Variants in SLC27A6 observed in about 807,000 individuals in gnomAD.
The protein encoded by SLC27A6 is solute carrier family 27 member 6.
In SLC27A6, 74 loss-of-function variants were observed where a neutral mutation model predicts 63.9. That is an observed-to-expected ratio of 1.16 (90% confidence interval 0.96 to 1.40). The LOEUF (loss-of-function observed/expected upper bound fraction) is 1.40, where lower values mean the gene tolerates loss of function less well. Ranked by LOEUF, SLC27A6 falls within the 40% of genes most tolerant of loss-of-function variation. SLC27A6 has a pLI of 0.00. For synonymous variants in SLC27A6, 287 were observed against 260.8 expected, an observed-to-expected ratio of 1.10 and a Z score of -0.97; for missense variants, 794 against 732.9, an observed-to-expected ratio of 1.08 and a Z score of -0.96.
At chr5:128,972,168 C>A (rs1003528100) in intron 1 of SLC27A6, among the ~76,000 whole-genome samples, 3 of 152,122 alleles carry the variant, frequency 2.0e-5, no homozygotes, top group East Asian at 1.9e-4. Context: ...GTGGGTAACC[C>A]GACCTTTCTC....
rs569269279 is a variant in SLC27A6, at chr5:129,012,227, G to A, written c.970-3658G>A. 4.1e-4 allele frequency among the ~76,000 whole-genome samples: 62 copies of A among 151,238 alleles called. 1 individual carries two copies. Among genetic ancestry groups the A allele is most frequent in the Non-Finnish European group, 8.1e-4 (55 of 67,752 alleles). The stretch of plus-strand genomic sequence containing the variant: ...TTTTTTTTTCTTTTACCCATGGGTT[G>A]TTTAAAGGTGTATTATTATTATGCA... On this transcript the variant is annotated intron_variant, in intron 4 of 9. Transcript: ENST00000262462.
intron 4 of SLC27A6, among the ~76,000 whole-genome samples, chr5:129,008,310 G>C (rs1265258190): frequency 6.6e-6 from 1 of 152,146 alleles, no homozygotes; most frequent in Non-Finnish European, 1.5e-5. Flanking sequence ...CTTGATCCTA[G>C]TTTAGAAAAT....
chr5:129,023,769 A>T, intron 6 of SLC27A6, 59 bp downstream of exon 6: 1 of 1,220,882 alleles, frequency 8.2e-7, no homozygotes, highest in East Asian at 2.3e-5. Flanking sequence ...CTGTATACAG[A>T]CATCCCTTGG....
rs1206280321 is a variant in SLC27A6 at position 128,966,124 on chromosome 5, GC to G, written c.-11del. On this transcript the variant is annotated 5_prime_UTR_variant, in exon 1 of 10. Coordinates refer to ENST00000262462, the MANE Select transcript of SLC27A6 (RefSeq NM_001017372.3). ...GGGCTGAGATCAGAGCTGTCTTCTG[GC>G]CCAGTTGCCCCCATGCTTCTGTCAT... is the stretch of plus-strand genomic sequence containing the variant. The G allele has an allele frequency of 6.5e-7, 1 of 1,533,278 alleles. No homozygotes were observed. Among genetic ancestry groups the G allele is most frequent in the Admixed American group, 2.2e-5 (1 of 46,488 alleles). 95.0% of individuals were successfully genotyped at this position (1,533,278 alleles called of 1,614,324 possible).
At chr5:129,018,627 A>G (rs563751652) in intron 5 of SLC27A6, among the ~76,000 whole-genome samples, 1 of 152,234 alleles carries the variant, frequency 6.6e-6, no homozygotes, top group South Asian at 2.1e-4. Flanking sequence ...CACTGGTTCC[A>G]TTACAAATTT....
intron 4 of SLC27A6, among the ~76,000 whole-genome samples, chr5:128,995,273 T>TATCTAG (rs1296937990): frequency 2.0e-5 from 3 of 152,222 alleles, no homozygotes; most frequent in Non-Finnish European, 4.4e-5. Context: ...CAGTTAGCCA[T>TATCTAG]ATCTAGGGAT....
chr5:129,002,252 T>C (rs547466684), intron 4 of SLC27A6, among the ~76,000 whole-genome samples: 1 of 152,360 alleles, frequency 6.6e-6, no homozygotes, highest in African/African-American at 2.4e-5. Flanking sequence ...TATGCAAACA[T>C]ATAAGCATCT....
At position 129,027,152 on chromosome 5, in the gene SLC27A6, T is replaced by G; in HGVS notation, c.1275T>G (p.Ile425Met). ...HVKKGEPGLL[I>M]SRVNAKNPFF... Reference sequence around the variant, plus strand: ...TTGCAGGAGAACCTGGACTTCTCATTTCTCGAGTGAATGCAAAAAATCCCT... The same window carrying G: ...TTGCAGGAGAACCTGGACTTCTCATGTCTCGAGTGAATGCAAAAAATCCCT... Residue 425 changes from isoleucine to methionine, a missense_variant, in exon 7 of 10, where the codon ATT becomes ATG. Ile to Met is a conservative substitution (Grantham distance 10, BLOSUM62 1). Coordinates refer to ENST00000262462, the MANE Select transcript of SLC27A6 (RefSeq NM_001017372.3). 6.2e-7 allele frequency: 1 copy of G among 1,613,404 alleles called. No homozygotes were observed. Among genetic ancestry groups the G allele is most frequent in the Non-Finnish European group, 8.5e-7 (1 of 1,179,496 alleles).
chr5:128,978,851 C>T (rs1750481340), intron 1 of SLC27A6, among the ~76,000 whole-genome samples: 1 of 152,070 alleles, frequency 6.6e-6, no homozygotes, highest in South Asian at 2.1e-4. Context: ...TTGTAATACT[C>T]TATTGTACCT....
chr5:128,981,817 C>CTTTTCTTTTCTT (rs761984176), intron 1 of SLC27A6, among the ~76,000 whole-genome samples: 1 of 146,388 alleles, frequency 6.8e-6, no homozygotes, highest in Non-Finnish European at 1.5e-5. Context: ...CTTTTCTTTT[C>CTTTTCTTTTCTT]TTTTTTTTTT....
At chr5:128,989,753 T>G (rs943494731) in intron 3 of SLC27A6, among the ~76,000 whole-genome samples, 2 of 151,824 alleles carry the variant, frequency 1.3e-5, no homozygotes, top group African/African-American at 4.8e-5. Context: ...TGAAACCCTG[T>G]CTCTACTAAA....
intron 1 of SLC27A6, among the ~76,000 whole-genome samples, chr5:128,967,263 T>A (rs1386006914): frequency 1.3e-5 from 2 of 152,188 alleles, no homozygotes; most frequent in East Asian, 3.9e-4. Flanking sequence ...AGTTAGGACA[T>A]CTTAGGCTAC....
At chr5:129,006,301 A>G (rs1751533611) in intron 4 of SLC27A6, among the ~76,000 whole-genome samples, 1 of 151,518 alleles carries the variant, frequency 6.6e-6, no homozygotes, top group Admixed American at 6.6e-5. Flanking sequence ...CGTGTTAGCC[A>G]GGATGGTCTC....
At chr5:128,971,869 A>C (rs1250582765) in intron 1 of SLC27A6, among the ~76,000 whole-genome samples, 1 of 152,118 alleles carries the variant, frequency 6.6e-6, no homozygotes, top group East Asian at 1.9e-4. Flanking sequence ...GATGGTCTTT[A>C]CAATTTGGCA....
chr5:128,969,651 A>T lies in SLC27A6; in HGVS notation c.481+3033A>T, dbSNP rs532990870. ...ACTGCTGAAGTTGCTTATCAGCTTAAGGAGATTTTGGGCTGAGATGCTGGG... is the reference window on the plus strand; with the variant it reads ...ACTGCTGAAGTTGCTTATCAGCTTATGGAGATTTTGGGCTGAGATGCTGGG... On this transcript the variant is annotated intron_variant, in intron 1 of 9. Coordinates refer to ENST00000262462, the MANE Select transcript of SLC27A6 (RefSeq NM_001017372.3). Among the ~76,000 whole-genome samples, 3 of 152,306 alleles carry T rather than the reference A, an allele frequency of 2.0e-5. No homozygotes were observed. The South Asian group carries it at 6.2e-4, about 32-fold the overall frequency.
chr5:129,028,066 T>C (rs1752300974), intron 7 of SLC27A6, among the ~76,000 whole-genome samples: 2 of 152,102 alleles, frequency 1.3e-5, no homozygotes, highest in South Asian at 4.1e-4. Flanking sequence ...ATTTTTGTAA[T>C]GATAATCCTT....
chr5:128,991,091 G>T (rs984605377), intron 4 of SLC27A6, among the ~76,000 whole-genome samples: 1 of 152,176 alleles, frequency 6.6e-6, no homozygotes. Flanking sequence ...TGCCACTGCC[G>T]GCTCAAATGC....
At chr5:128,967,923 C>A (rs941359115) in intron 1 of SLC27A6, among the ~76,000 whole-genome samples, 1 of 152,060 alleles carries the variant, frequency 6.6e-6, no homozygotes, top group Admixed American at 6.6e-5. Context: ...CCCCCCACCC[C>A]ACGACAGGCC....
intron 4 of SLC27A6, among the ~76,000 whole-genome samples, chr5:129,008,573 G>C (rs537947087): frequency 5.9e-5 from 9 of 152,180 alleles, no homozygotes; most frequent in African/African-American, 2.4e-5. Flanking sequence ...CCTAAGATTT[G>C]CAATGCTGCT....
Sources: gnomAD v4.1 joint callset for allele counts (sites outside exome capture counted in the v4.1 genomes callset) on GRCh38, gnomAD v4.1.1 for gene constraint, MANE v1.5 for transcripts, NCBI Gene and HGNC (gene_info 2026-07-23, HGNC 2026-07-21) for gene names.